The following DMD variants were observed in gnomAD, a reference collection of about 807,000 sequenced individuals.
DMD encodes the protein dystrophin, also known as mutant dystrophin.
A neutral mutation model predicts 330.1 loss-of-function variants in DMD; 63 were observed. The ratio of observed to expected loss-of-function variants is 0.19; its 90% CI spans 0.16 to 0.24. The LOEUF is 0.24. Among genes scored for constraint, DMD ranks in the 10% least tolerant of loss-of-function variants. The pLI is 1.00. For missense variants in DMD, 3,344 were observed against 2,684.1 expected, an observed-to-expected ratio of 1.25 and a Z score of -5.43; for synonymous variants, 1,223 against 959.8, an observed-to-expected ratio of 1.27 and a Z score of -5.07.
intron 17 of DMD, among the ~76,000 whole-genome samples, chrX:32,531,847 G>C (rs1366983301): frequency 9.0e-6 from 1 of 111,222 alleles, no homozygotes; most frequent in African/African-American, 3.3e-5. Flanking sequence ...CGCTATCTTG[G>C]ATTATATGAG....
chrX:32,863,509 C>CAAAAAAAAAAAAAAAA (rs544421635), intron 2 of DMD, among the ~76,000 whole-genome samples: 3 of 49,056 alleles, frequency 6.1e-5, no homozygotes, highest in East Asian at 6.8e-4. Context: ...GACTCCGTCT[C>CAAAAAAAAAAAAAAAA]AAAAAAAAAA....
chrX:32,763,785 T>C (rs1386125115), intron 7 of DMD, among the ~76,000 whole-genome samples: 2 of 111,578 alleles, frequency 1.8e-5, no homozygotes, highest in African/African-American at 3.3e-5. Flanking sequence ...CATGTCTCTA[T>C]TGACTTTTCC....
chrX:31,282,339 T>C (rs1307212051), intron 62 of DMD, among the ~76,000 whole-genome samples: 2 of 111,576 alleles, frequency 1.8e-5, no homozygotes, highest in African/African-American at 6.5e-5. Context: ...AACTTGACAG[T>C]AGATCATTCA....
chrX:32,647,211 AGAAGT>A (rs1327281610), intron 9 of DMD, among the ~76,000 whole-genome samples: 1 of 111,760 alleles, frequency 8.9e-6, no homozygotes, highest in Non-Finnish European at 1.9e-5. Context: ...TTTGTGTTTT[AGAAGT>A]GAAGTCCTAT....
At chrX:32,738,944 T>C (rs1325819267) in intron 7 of DMD, among the ~76,000 whole-genome samples, 7 of 111,714 alleles carry the variant, frequency 6.3e-5, no homozygotes, top group African/African-American at 2.3e-4. Flanking sequence ...AGAAGACAGC[T>C]TTTAAGGGAT....
At chrX:32,466,253 T>A (rs772207192) in intron 23 of DMD, among the ~76,000 whole-genome samples, 15 of 111,172 alleles carry the variant, frequency 1.3e-4, no homozygotes, top group Non-Finnish European at 2.5e-4. Context: ...ATCATTTAAC[T>A]GAAAATGCTG....
intron 47 of DMD, among the ~76,000 whole-genome samples, chrX:31,922,640 C>A (rs2094710274): frequency 9.0e-6 from 1 of 110,770 alleles, no homozygotes. Flanking sequence ...TTAGAGACAC[C>A]CAGCTGGTGC....
Position 31,121,572 on chromosome X carries a change from A to C in DMD, c.*347T>G. 1 of 289,964 alleles carries C rather than the reference A, an allele frequency of 3.4e-6. No homozygotes were observed. The highest frequency in any genetic ancestry group is 6.1e-6 in the Non-Finnish European group (1 of 165,272). 23.9% of individuals were successfully genotyped at this position (289,964 alleles called of 1,213,427 possible). ...TTTTAAACAACCCAAAATGCGTTCC[A>C]TATAAAGAAATGGCAAGTTATTTAG... On this transcript the variant is annotated 3_prime_UTR_variant, in exon 79 of 79. Coordinates refer to ENST00000357033, the MANE Select transcript of DMD (RefSeq NM_004006.3).
chrX:31,309,172 C>T (rs780509476), intron 62 of DMD, among the ~76,000 whole-genome samples: 16 of 111,799 alleles, frequency 1.4e-4, no homozygotes, highest in Non-Finnish European at 2.6e-4. Context: ...AGGGATGATG[C>T]AAAGATGCAT....
At chrX:33,191,043 G>C (rs2050611879) in intron 1 of DMD, among the ~76,000 whole-genome samples, 1 of 70,356 alleles carries the variant, frequency 1.4e-5, no homozygotes, top group African/African-American at 4.6e-5. Context: ...TACTGCCCTA[G>C]TAAGAAATCA....
chrX:32,255,859 C>A (rs1405542706), intron 43 of DMD, among the ~76,000 whole-genome samples: 1 of 111,788 alleles, frequency 8.9e-6, no homozygotes, highest in Non-Finnish European at 1.9e-5. Context: ...ATGTTTCATG[C>A]TTTCTTCTTT....
At chrX:31,531,071 A>G (rs1376697751) in intron 55 of DMD, among the ~76,000 whole-genome samples, 1 of 80,712 alleles carries the variant, frequency 1.2e-5, no homozygotes, top group African/African-American at 5.3e-5. Context: ...AATCCAGTCT[A>G]TCATTGTTGG....
At chrX:32,183,847 T>C (rs2096936301) in intron 44 of DMD, among the ~76,000 whole-genome samples, 1 of 109,569 alleles carries the variant, frequency 9.1e-6, no homozygotes, top group African/African-American at 3.3e-5. Context: ...ATAATTACTA[T>C]TATCTTTTAA....
chrX:31,962,546 A>G (rs1486309575), intron 45 of DMD, among the ~76,000 whole-genome samples: 1 of 112,289 alleles, frequency 8.9e-6, no homozygotes, highest in Admixed American at 9.5e-5. Context: ...TAGCAAGAAA[A>G]TGAAACATCT....
At chrX:31,514,296 C>T (rs182635570) in intron 55 of DMD, among the ~76,000 whole-genome samples, 66 of 111,871 alleles carry the variant, frequency 5.9e-4, no homozygotes, top group African/African-American at 2.1e-3. Flanking sequence ...GAGCAAATTT[C>T]AGCTGAGAGT....
chrX:32,918,821 C>T (rs1490512610), intron 2 of DMD, among the ~76,000 whole-genome samples: 1 of 112,161 alleles, frequency 8.9e-6, no homozygotes, highest in Non-Finnish European at 1.9e-5. Flanking sequence ...AGGAGAAGGA[C>T]ATTTGGAAAA....
chrX:33,014,756 T>C (rs928604069), intron 2 of DMD, among the ~76,000 whole-genome samples: 1 of 107,144 alleles, frequency 9.3e-6, no homozygotes, highest in Non-Finnish European at 1.9e-5. Flanking sequence ...AATTCATAAA[T>C]ATATGCATTT....
intron 4 of DMD, among the ~76,000 whole-genome samples, chrX:32,839,381 G>T (rs1362592551): frequency 8.9e-6 from 1 of 111,789 alleles, no homozygotes; most frequent in Admixed American, 9.5e-5. Context: ...CTTATTCTAT[G>T]TATCTCTTTT....
At chrX:31,828,863 A>G (rs1395357228) in intron 49 of DMD, among the ~76,000 whole-genome samples, 3 of 111,094 alleles carry the variant, frequency 2.7e-5, no homozygotes, top group African/African-American at 9.8e-5. Flanking sequence ...TCCTCCCTAA[A>G]TCATTCTATG....
Sources: gnomAD v4.1 joint callset for allele counts (sites outside exome capture counted in the v4.1 genomes callset) on GRCh38, gnomAD v4.1.1 for gene constraint, MANE v1.5 for transcripts, NCBI Gene and HGNC (gene_info 2026-07-23, HGNC 2026-07-21) for gene names.